FGF13: variants seen among roughly 807,000 people sequenced by gnomAD.
The protein encoded by FGF13 is fibroblast growth factor 13.
In FGF13, 2 loss-of-function variants were observed where a neutral mutation model predicts 19.5. That is an observed-to-expected ratio of 0.10 (90% CI 0.04 to 0.32). The LOEUF is 0.32. Ranked by LOEUF, FGF13 falls within the 10% of genes least tolerant of loss-of-function variation. FGF13 has a pLI of 1.00. For synonymous variants in FGF13, 72 were observed against 76.9 expected (o/e 0.94, Z 0.33); for missense variants, 113 against 192.7 (o/e 0.59, Z 2.45).
rs1228790807 is a variant in FGF13 at position 138,631,393 on chromosome X, G to A, written c.*1457C>T. ...GTGAATTCCTTTGTACCAATCTGAA[G>A]TGCAAGTACAGTAACTAGTAAAATA... On this transcript the variant is annotated 3_prime_UTR_variant, in exon 5 of 5. Transcript: ENST00000315930. 1 of 111,700 alleles carries A rather than the reference G, an allele frequency of 9.0e-6. No homozygotes were observed. The highest frequency in any genetic ancestry group is 3.3e-5 in the African/African-American group (1 of 30,727). 9.2% of individuals were successfully genotyped at this position (111,700 alleles called of 1,213,427 possible).
upstream of FGF13, among the ~76,000 whole-genome samples, chrX:138,713,978 T>A (rs2090078426): frequency 9.0e-6 from 1 of 111,493 alleles, no homozygotes; most frequent in South Asian, 3.9e-4. Context: ...CTTGCTCTAA[T>A]CCTTCTCTCC....
chrX:139,150,435 C>A (rs1208484336), intron 1 of FGF13, among the ~76,000 whole-genome samples: 1 of 112,399 alleles, frequency 8.9e-6, no homozygotes, highest in African/African-American at 3.2e-5. Flanking sequence ...GGCAAATGGT[C>A]AAACCCACCT....
At chrX:138,947,087 G>T (rs770260487) in intron 1 of FGF13, among the ~76,000 whole-genome samples, 47 of 111,710 alleles carry the variant, frequency 4.2e-4, no homozygotes, top group African/African-American at 1.5e-3. Context: ...TTTTTTCAAT[G>T]TATAATTAAT....
rs1243203282 is a variant in FGF13 at position 138,831,545 on chromosome X, G to T, written c.217+25967C>A. 2.7e-5 allele frequency among the ~76,000 whole-genome samples: 3 copies of T among 111,774 alleles called. No individual in the cohort carries two copies. The East Asian group carries it at 8.4e-4, about 31-fold the overall frequency. On this transcript the variant is annotated intron_variant, in intron 3 of 6. Transcript: ENST00000436198. ...CTTTAAATTTAATGATGTTTTCCCT[G>T]CTGGGTTTGGGAATTATTTGAAACA...
intron 3 of FGF13, among the ~76,000 whole-genome samples, chrX:138,656,158 C>A (rs970635959): frequency 9.0e-6 from 1 of 111,450 alleles, no homozygotes; most frequent in African/African-American, 3.3e-5. Flanking sequence ...TAGGAGTAAT[C>A]ATAGTGCACT....
chrX:139,169,587 G>A (rs1373886420), intron 1 of FGF13, among the ~76,000 whole-genome samples: 2 of 110,804 alleles, frequency 1.8e-5, no homozygotes, highest in Non-Finnish European at 3.8e-5. Context: ...GCCTCCCAAA[G>A]AGCTAGGATT....
intron 3 of FGF13, among the ~76,000 whole-genome samples, chrX:138,635,958 G>A (rs746977644): frequency 8.9e-6 from 1 of 112,187 alleles, no homozygotes; most frequent in African/African-American, 3.2e-5. Flanking sequence ...ACAACTACAA[G>A]AGCCAAGGAT....
chrX:138,662,799 G>C (rs922094486), intron 3 of FGF13, among the ~76,000 whole-genome samples: 2 of 111,450 alleles, frequency 1.8e-5, no homozygotes, highest in South Asian at 3.8e-4. Context: ...CCATTCTCTC[G>C]AGGTCCACCA....
chrX:139,176,421 C>G (rs1216029074), intron 1 of FGF13, among the ~76,000 whole-genome samples: 1 of 98,736 alleles, frequency 1.0e-5, no homozygotes, highest in Non-Finnish European at 2.0e-5. Flanking sequence ...CAGTTCTGCT[C>G]TGATCCTATT....
At chrX:139,176,380 G>GTTTTTT (rs36133825) in intron 1 of FGF13, among the ~76,000 whole-genome samples, 2 of 89,046 alleles carry the variant, frequency 2.2e-5, no homozygotes. Flanking sequence ...TTTTTGAAGG[G>GTTTTTT]TTTTTTTTTT....
chrX:138,661,347 C>A (rs139925992), intron 3 of FGF13, among the ~76,000 whole-genome samples: 1,659 of 111,931 alleles, frequency 0.015, 32 homozygotes, highest in African/African-American at 0.051. Context: ...TTGCTTTGTG[C>A]CTCTTACATA....
At chrX:138,806,301 T>C (rs2090866734) in intron 3 of FGF13, 1 of 112,258 alleles carries the variant, frequency 8.9e-6, no homozygotes, top group African/African-American at 3.2e-5. Flanking sequence ...GGAGCGTGAA[T>C]CTCAGTCAGT....
chrX:139,051,850 ACTT>A (rs1211072664), intron 1 of FGF13, among the ~76,000 whole-genome samples: 1 of 112,287 alleles, frequency 8.9e-6, no homozygotes, highest in African/African-American at 3.2e-5. Context: ...ATGTTCTAAA[ACTT>A]CTTCTGAAAA....
At chrX:139,012,357 A>G (rs2124374901) in intron 1 of FGF13, among the ~76,000 whole-genome samples, 1 of 111,516 alleles carries the variant, frequency 9.0e-6, no homozygotes, top group Admixed American at 9.5e-5. Context: ...CCTAAAATTC[A>G]GATGGGACCA....
chrX:138,780,344 G>T (rs1304743674), intron 3 of FGF13, among the ~76,000 whole-genome samples: 2 of 96,401 alleles, frequency 2.1e-5, no homozygotes, highest in Non-Finnish European at 4.1e-5. Flanking sequence ...TGGACTAAAT[G>T]CTCCAATTAA....
At chrX:139,111,900 T>C (rs1371437635) in intron 1 of FGF13, among the ~76,000 whole-genome samples, 1 of 112,185 alleles carries the variant, frequency 8.9e-6, no homozygotes, top group East Asian at 2.8e-4. Flanking sequence ...ATCATTAAAT[T>C]GCTGGATGAA....
chrX:138,991,125 T>A (rs759892802), intron 1 of FGF13, among the ~76,000 whole-genome samples: 1 of 112,112 alleles, frequency 8.9e-6, no homozygotes, highest in East Asian at 2.8e-4. Flanking sequence ...TGAAATTTAG[T>A]AGTCACTACT....
chrX:139,015,250 C>A (rs1243150660), intron 1 of FGF13, among the ~76,000 whole-genome samples: 3 of 110,657 alleles, frequency 2.7e-5, no homozygotes, highest in African/African-American at 9.8e-5. Flanking sequence ...AAAGGGCATC[C>A]AAGTTGAAAA....
At chrX:139,114,138 T>G (rs1408853242) in intron 1 of FGF13, among the ~76,000 whole-genome samples, 1 of 111,741 alleles carries the variant, frequency 8.9e-6, no homozygotes, top group Non-Finnish European at 1.9e-5. Flanking sequence ...AAATTCAAGC[T>G]CATGAAAAAA....
Sources: allele counts gnomAD v4.1 joint callset (sites outside exome capture counted in the v4.1 genomes callset), GRCh38; gene constraint gnomAD v4.1.1; transcripts MANE v1.5; gene names NCBI Gene and HGNC (gene_info 2026-07-23, HGNC 2026-07-21).